The following MYO1H variants were observed in gnomAD, a reference collection of about 807,000 sequenced individuals.
MYO1H encodes the protein myosin IH.
MYO1H carries 118 observed loss-of-function variants against 149.3 expected under a neutral mutation model. That is an observed-to-expected ratio of 0.79 (90% confidence interval 0.68 to 0.92). The LOEUF (loss-of-function observed/expected upper bound fraction) is 0.92, where lower values mean the gene tolerates loss of function less well. Ranked by LOEUF, MYO1H falls within the 40% of genes least tolerant of loss-of-function variation. The probability of loss-of-function intolerance (pLI) is 0.00; values close to 1 mark genes in which losing one functional copy is unlikely to be tolerated. For missense variants in MYO1H, 1,212 were observed against 1,280.7 expected (o/e 0.95, Z 0.82); for synonymous variants, 447 against 465.2 (o/e 0.96, Z 0.50).
At chr12:109,360,653 A>T (rs1479071290) in intron 1 of MYO1H, among the ~76,000 whole-genome samples, 1 of 148,738 alleles carries the variant, frequency 6.7e-6, no homozygotes, top group East Asian at 2.0e-4. Flanking sequence ...AAGATGTGTG[A>T]ACTGGAGTCA....
chr12:109,443,154 G>GTGATACGTGTACGTA (rs1872275771), intron 27 of MYO1H, among the ~76,000 whole-genome samples: 1 of 52,302 alleles, frequency 1.9e-5, no homozygotes, highest in African/African-American at 8.9e-5. Context: ...GTGTACGTAT[G>GTGATACGTGTACGTA]TGTGTGTATA....
intron 14 of MYO1H, among the ~76,000 whole-genome samples, chr12:109,414,310 C>G (rs1390985218): frequency 1.3e-5 from 2 of 150,180 alleles, no homozygotes; most frequent in African/African-American, 4.9e-5. Context: ...ACCCCATCTC[C>G]ACTAAAAATC....
chr12:109,327,122 C>CTT, the MYO1H span, among the ~76,000 whole-genome samples: 748 of 111,154 alleles, frequency 6.7e-3, 68 homozygotes, highest in African/African-American at 0.017. Flanking sequence ...TTTTCTTTTT[C>CTT]TTTTTCTTTT....
rs1249192612 is a variant in MYO1H, at chr12:109,405,938, T to C, written c.866T>C (p.Ile289Thr). The stretch of plus-strand genomic sequence containing the variant: ...TGTTCCTAGAATCTCTTTGGAATTA[T>C]TGCCAGTGTCTTACACCTGGGGAAC... The change falls in exon 8 of 32, where the codon ATT (isoleucine) becomes ACT (threonine). Residue 289 changes from isoleucine (I) to threonine (T), a missense_variant. Physicochemically the swap from Ile to Thr is moderately conservative, Grantham distance 89. Transcript: ENST00000310903. 4 of 1,612,146 alleles carry C rather than the reference T, an allele frequency of 2.5e-6. No individual in the cohort carries two copies. The African/African-American group carries it at 4.0e-5, about 16-fold the overall frequency.
At chr12:109,407,054 C>G (rs1345944465) in intron 9 of MYO1H, among the ~76,000 whole-genome samples, 194 bp downstream of exon 9, 1 of 152,130 alleles carries the variant, frequency 6.6e-6, no homozygotes, top group Non-Finnish European at 1.5e-5. Context: ...CCAATGCTAG[C>G]AATCCACACC....
chr12:109,430,763 T>C (rs1871576306), intron 19 of MYO1H, among the ~76,000 whole-genome samples: 1 of 151,972 alleles, frequency 6.6e-6, no homozygotes, highest in Non-Finnish European at 1.5e-5. Context: ...CTGTCTCTAC[T>C]AAAAATACAA....
chr12:109,371,264 G>A (rs895951156), intron 1 of MYO1H, among the ~76,000 whole-genome samples: 3 of 137,948 alleles, frequency 2.2e-5, no homozygotes, highest in Non-Finnish European at 4.6e-5. Flanking sequence ...TACCCAGGCT[G>A]GAGTACAGTG....
chr12:109,378,548 T>G (rs1240579339), intron 1 of MYO1H, among the ~76,000 whole-genome samples: 1 of 152,102 alleles, frequency 6.6e-6, no homozygotes, highest in Non-Finnish European at 1.5e-5. Flanking sequence ...AGTCTCAAAC[T>G]CCTGAGCTCA....
upstream of MYO1H, among the ~76,000 whole-genome samples, chr12:109,347,708 T>C (rs907798473): frequency 6.6e-6 from 1 of 152,124 alleles, no homozygotes; most frequent in Non-Finnish European, 1.5e-5. Context: ...GTCTGTAACG[T>C]AAACTCAAGG....
the MYO1H span, among the ~76,000 whole-genome samples, chr12:109,335,650 T>C: frequency 6.6e-6 from 1 of 152,212 alleles, no homozygotes; most frequent in Non-Finnish European, 1.5e-5. Flanking sequence ...ATTAAATATA[T>C]GTAAAATTAT....
At position 109,444,197 on chromosome 12, in the gene MYO1H, C is replaced by T. The variant is rs1457044400; in HGVS notation, c.2825-16C>T. On this transcript the variant is annotated splice_polypyrimidine_tract_variant and intron_variant, in intron 28 of 31. Coordinates refer to ENST00000310903, the Ensembl canonical transcript of MYO1H. ...GCTCTCTAGTTCTTGGCTCCTAACT[C>T]TGGATCTGTCTTAAGGTGTCTCCAC... The T allele has an allele frequency of 6.2e-7, 1 of 1,608,120 alleles. No homozygotes were observed. The highest frequency in any genetic ancestry group is 1.3e-5 in the African/African-American group (1 of 74,816).
intron 16 of MYO1H, 86 bp downstream of exon 16, chr12:109,421,113 ATT>A (rs57928470): frequency 1.2e-3 from 935 of 751,744 alleles, no homozygotes; most frequent in South Asian, 2.1e-3. Flanking sequence ...CGCCTTCTGG[ATT>A]TTTTTTTTTT....
chr12:109,387,664 G>T (rs1297557694), intron 1 of MYO1H, among the ~76,000 whole-genome samples: 2 of 152,228 alleles, frequency 1.3e-5, no homozygotes, highest in South Asian at 2.1e-4. Flanking sequence ...CGTGGTATGT[G>T]GGGGGGACAC....
At chr12:109,420,921 T>C in intron 15 of MYO1H, 60 bp from the exon 16 acceptor site, 1 of 877,094 alleles carries the variant, frequency 1.1e-6, no homozygotes, top group Non-Finnish European at 1.9e-6. Flanking sequence ...TGAGTTGGGA[T>C]GGAATTGTAT....
the MYO1H span, among the ~76,000 whole-genome samples, chr12:109,314,472 C>T: frequency 9.2e-5 from 14 of 152,214 alleles, no homozygotes; most frequent in African/African-American, 3.4e-4. Flanking sequence ...TGCTCAAAAC[C>T]ACCCATTCCC....
At chr12:109,411,293 A>G (rs1870656562) in intron 13 of MYO1H, among the ~76,000 whole-genome samples, 1 of 152,190 alleles carries the variant, frequency 6.6e-6, no homozygotes, top group Admixed American at 6.5e-5. Context: ...TTGTAGAGAC[A>G]GGGTTTCACC....
intron 5 of MYO1H, 122 bp downstream of exon 5, chr12:109,397,934 C>A: frequency 1.6e-6 from 1 of 616,574 alleles, no homozygotes; most frequent in South Asian, 2.7e-5. Flanking sequence ...AAAAAAATAT[C>A]CAGGGTTAGT....
At chr12:109,443,719 C>A in intron 28 of MYO1H, 70 bp downstream of exon 28, 1 of 1,567,416 alleles carries the variant, frequency 6.4e-7, no homozygotes, top group Non-Finnish European at 8.7e-7. Flanking sequence ...AGTAATGAAG[C>A]TCCCAAATGG....
At chr12:109,363,070 G>A (rs763015606) in intron 1 of MYO1H, among the ~76,000 whole-genome samples, 1 of 151,856 alleles carries the variant, frequency 6.6e-6, no homozygotes, top group Non-Finnish European at 1.5e-5. Flanking sequence ...AGTTATCTCC[G>A]CAATTAGGCA....
Sources: allele counts gnomAD v4.1 joint callset (sites outside exome capture counted in the v4.1 genomes callset), GRCh38; gene constraint gnomAD v4.1.1; transcripts MANE v1.5; gene names NCBI Gene and HGNC (gene_info 2026-07-23, HGNC 2026-07-21).